Variants in DLGAP2 observed in about 807,000 individuals in gnomAD.
DLGAP2 encodes the protein disks large-associated protein 2.
DLGAP2 carries 26 observed loss-of-function variants against 100.3 expected under a neutral mutation model. The ratio of observed to expected loss-of-function variants is 0.26; its 90% CI spans 0.19 to 0.36. The LOEUF (loss-of-function observed/expected upper bound fraction) is 0.36, where lower values mean the gene tolerates loss of function less well. Among genes scored for constraint, DLGAP2 ranks in the 10% least tolerant of loss-of-function variants. The pLI is 1.00. For missense variants in DLGAP2, 1,858 were observed against 1,453.2 expected (o/e 1.28, Z -4.53); for synonymous variants, 886 against 630.1 (o/e 1.41, Z -6.08).
intron 1 of DLGAP2, among the ~76,000 whole-genome samples, chr8:870,225 CT>C (rs913551573): frequency 1.3e-5 from 2 of 152,166 alleles, no homozygotes; most frequent in African/African-American, 4.8e-5. Flanking sequence ...GATATTTCTC[CT>C]GACAGGATCC....
At chr8:778,363 G>A (rs9650536) in intron 1 of DLGAP2, among the ~76,000 whole-genome samples, 32,512 of 152,160 alleles carry the variant, frequency 0.21, 4,113 homozygotes, top group Non-Finnish European at 0.29. Context: ...GTCATTCTCC[G>A]TCCAGCTTTG....
At chr8:898,639 C>T (rs1185772901) in intron 1 of DLGAP2, among the ~76,000 whole-genome samples, 1 of 148,890 alleles carries the variant, frequency 6.7e-6, no homozygotes, top group Non-Finnish European at 1.5e-5. Context: ...GCCCCTGCAG[C>T]TCATTGCTGG....
At chr8:1,071,481 C>A (rs1353638672) in intron 2 of DLGAP2, among the ~76,000 whole-genome samples, 1 of 152,172 alleles carries the variant, frequency 6.6e-6, no homozygotes, top group African/African-American at 2.4e-5. Flanking sequence ...GTCAGGAGAA[C>A]ACTTGCTCCT....
chr8:1,444,483 C>T (rs897369689), intron 3 of DLGAP2, among the ~76,000 whole-genome samples: 3 of 152,140 alleles, frequency 2.0e-5, no homozygotes, highest in Non-Finnish European at 4.4e-5. Flanking sequence ...TTTCATCTGC[C>T]TTCATTTGCA....
At chr8:1,284,277 G>T (rs1799878486) in intron 3 of DLGAP2, among the ~76,000 whole-genome samples, 1 of 152,164 alleles carries the variant, frequency 6.6e-6, no homozygotes, top group African/African-American at 2.4e-5. Context: ...CTTTTGAGTA[G>T]AGCCTGTGCT....
At chr8:1,075,355 C>T (rs567997032) in intron 2 of DLGAP2, among the ~76,000 whole-genome samples, 2 of 152,192 alleles carry the variant, frequency 1.3e-5, no homozygotes, top group Non-Finnish European at 2.9e-5. Flanking sequence ...TGCTGGAATC[C>T]GCAGGAGGAG....
intron 6 of DLGAP2, among the ~76,000 whole-genome samples, chr8:1,582,503 A>G (rs7008965): frequency 0.49 from 72,833 of 150,128 alleles, 17,809 homozygotes; most frequent in African/African-American, 0.53. Flanking sequence ...AAAATGAAAA[A>G]AGTCATCCTT....
At chr8:1,410,806 G>A (rs1796708424) in intron 3 of DLGAP2, among the ~76,000 whole-genome samples, 1 of 151,752 alleles carries the variant, frequency 6.6e-6, no homozygotes, top group Non-Finnish European at 1.5e-5. Flanking sequence ...TTCCCTGTGG[G>A]AATGTCCTTG....
chr8:1,182,916 C>G (rs577981745), intron 2 of DLGAP2, among the ~76,000 whole-genome samples: 42 of 152,268 alleles, frequency 2.8e-4, no homozygotes, highest in Non-Finnish European at 3.1e-4. Context: ...GCAGTGAGCG[C>G]ACAGCCCTGC....
At chr8:1,296,771 C>T (rs1178624523) in intron 3 of DLGAP2, among the ~76,000 whole-genome samples, 4 of 152,134 alleles carry the variant, frequency 2.6e-5, no homozygotes, top group African/African-American at 7.2e-5. Flanking sequence ...AGTCCCTGAA[C>T]GTGCCACTGA....
rs369317295 is a variant in DLGAP2 at position 1,069,350 on chromosome 8, C to A, written c.73+161384C>A. On this transcript the variant is annotated intron_variant, in intron 2 of 14. Coordinates refer to ENST00000637795, the MANE Select transcript of DLGAP2 (RefSeq NM_001346810.2). ...ACAGACCTGCGGCCCGTGGACAGGT[C>A]GCGAGGACACCAGGTCTCACTGGAG... 3.3e-5 allele frequency among the ~76,000 whole-genome samples: 5 copies of A among 152,218 alleles called. No individual in the cohort carries two copies. The South Asian group carries it at 1.0e-3, about 32-fold the overall frequency.
intron 4 of DLGAP2, among the ~76,000 whole-genome samples, chr8:1,531,730 C>T (rs868220950): frequency 5.3e-5 from 8 of 152,084 alleles, no homozygotes; most frequent in Admixed American, 3.3e-4. Flanking sequence ...CTCGTGTGGT[C>T]TTGGTGTGTG....
intron 2 of DLGAP2, among the ~76,000 whole-genome samples, chr8:1,109,085 G>A (rs1298796640): frequency 7.9e-6 from 1 of 126,906 alleles, no homozygotes; most frequent in Non-Finnish European, 1.8e-5. Flanking sequence ...AGGTGTGCAC[G>A]GGTCTGTGAG....
At chr8:1,106,618 G>T (rs1229987559) in intron 2 of DLGAP2, among the ~76,000 whole-genome samples, 1 of 149,328 alleles carries the variant, frequency 6.7e-6, no homozygotes, top group Non-Finnish European at 1.5e-5. Context: ...TTCTAGGAGG[G>T]TTTTCTATTG....
intron 1 of DLGAP2, among the ~76,000 whole-genome samples, chr8:851,352 G>A (rs76381765): frequency 0.13 from 19,133 of 152,178 alleles, 1,567 homozygotes; most frequent in Admixed American, 0.27. Flanking sequence ...GCTAAGCGAC[G>A]TATGACTGAC....
Position 1,275,912 on chromosome 8 carries a change from T to C in DLGAP2, c.106+17029T>C, listed in dbSNP as rs532206479. Among the ~76,000 whole-genome samples the C allele has an allele frequency of 4.1e-3, 462 of 112,102 alleles. 6 individuals carry two copies. The highest frequency in any genetic ancestry group is 0.025 in the South Asian group (104 of 4,154). The allele number at this position is 112,102 out of a possible 152,430, so 73.5% of individuals were successfully genotyped here. A position where few individuals can be genotyped will look rare whatever the true frequency, so the allele number is the denominator to read the frequency against. ...ATATAATATATAAATATATATAATATATAAATAAATATATATAGTATATAA... is the reference window on the plus strand; with the variant it reads ...ATATAATATATAAATATATATAATACATAAATAAATATATATAGTATATAA... On this transcript the variant is annotated intron_variant, in intron 3 of 14. Transcript: ENST00000637795.
chr8:988,563 C>A (rs1451553906), intron 2 of DLGAP2, among the ~76,000 whole-genome samples: 1 of 152,240 alleles, frequency 6.6e-6, no homozygotes, highest in Non-Finnish European at 1.5e-5. Context: ...CTTGATCTGG[C>A]TTGTCCCTGG....
At chr8:738,653 C>CCT (rs1820390548) in intron 1 of DLGAP2, 1 of 150,968 alleles carries the variant, frequency 6.6e-6, no homozygotes, top group East Asian at 2.0e-4. Context: ...GACGCGGGCT[C>CCT]CTCTGCCTGC....
At chr8:1,308,849 C>T (rs188404280) in intron 3 of DLGAP2, among the ~76,000 whole-genome samples, 4 of 152,128 alleles carry the variant, frequency 2.6e-5, no homozygotes, top group Admixed American at 2.0e-4. Flanking sequence ...TTAAAATTTT[C>T]TTAAATATGC....
Sources: allele counts gnomAD v4.1 joint callset (sites outside exome capture counted in the v4.1 genomes callset), GRCh38; gene constraint gnomAD v4.1.1; transcripts MANE v1.5; gene names NCBI Gene and HGNC (gene_info 2026-07-23, HGNC 2026-07-21).